Variants in PIK3R2 observed in about 807,000 individuals in gnomAD.
PIK3R2 encodes phosphoinositide-3-kinase regulatory subunit 2.
A neutral mutation model predicts 78.5 loss-of-function variants in PIK3R2; 40 were observed. That is an observed-to-expected ratio of 0.51 (90% CI 0.40 to 0.66). PIK3R2 has a LOEUF of 0.66. Among genes scored for constraint, PIK3R2 ranks in the 30% least tolerant of loss-of-function variants. PIK3R2 has a pLI of 0.00. For synonymous variants in PIK3R2, 473 were observed against 457.7 expected (o/e 1.03, Z -0.43); for missense variants, 880 against 1,026.6 (o/e 0.86, Z 1.95).
chr19:18,161,896 C>A lies in PIK3R2; in HGVS notation c.816-70C>A. On this transcript the variant is annotated intron_variant, in intron 6 of 15. Coordinates refer to ENST00000222254, the MANE Select transcript of PIK3R2 (RefSeq NM_005027.4). This position sits in a 1 kb window ranked among gnomAD's most constrained non-coding sequence, Gnocchi z 5.3. ...ATACCCCCAGGCGTGCAAGCGCACGCACAATCCTGTGCACATGCGTGGGCG... is the reference window on the plus strand; with the variant it reads ...ATACCCCCAGGCGTGCAAGCGCACGAACAATCCTGTGCACATGCGTGGGCG... 1 of 1,320,278 alleles carries A rather than the reference C, an allele frequency of 7.6e-7. No individual in the cohort carries two copies. Among genetic ancestry groups the A allele is most frequent in the South Asian group, 1.2e-5 (1 of 85,034 alleles). The allele number at this position is 1,320,278 out of a possible 1,614,324, so 81.8% of individuals were successfully genotyped here. A position where few individuals can be genotyped will look rare whatever the true frequency, so the allele number is the denominator to read the frequency against.
In PIK3R2 at chr19:18,162,287, G is replaced by A. The variant is rs1161957496; in HGVS notation, c.987G>A (p.Glu329=). The A allele has an allele frequency of 6.2e-7, 1 of 1,609,708 alleles. No individual in the cohort carries two copies. The highest frequency in any genetic ancestry group is 1.7e-5 in the Admixed American group (1 of 59,914). The stretch of plus-strand genomic sequence containing the variant: ...GCCCACCCTCCCTGCAGGATGCTGA[G>A]TGGTACTGGGGGGACATTTCAAGGT... ...GGSPPSLQDA[E]WYWGDISREE... is the part of the protein sequence containing the mutation. The change falls in exon 8 of 16, where the codon GAG becomes GAA. Residue 329 remains glutamate (E), a synonymous_variant. Transcript: ENST00000222254.
chr19:18,157,888 G>C (rs1374531985), intron 2 of PIK3R2, among the ~76,000 whole-genome samples: 1 of 152,200 alleles, frequency 6.6e-6, no homozygotes, highest in Non-Finnish European at 1.5e-5. Flanking sequence ...AGCGTCCAAT[G>C]GTGGCAGACA....
At chr19:18,153,368 C>G (rs989711391) in intron 1 of PIK3R2, 74 bp downstream of exon 1, 2 of 152,410 alleles carry the variant, frequency 1.3e-5, no homozygotes, top group African/African-American at 2.4e-5. Flanking sequence ...GGGGCAGTGC[C>G]GGGCCCCGGT....
chr19:18,161,190 G>C lies in PIK3R2; in HGVS notation c.598+5G>C. ...AGGCGCGCCGGGCCCTGCGGGGTGA[G>C]CCTGGCGGGTAGCCCGGGGGAAGGA... On this transcript the variant is annotated splice_donor_5th_base_variant and intron_variant, in intron 5 of 15. Transcript: ENST00000222254. This position sits in a 1 kb window ranked among gnomAD's most constrained non-coding sequence, Gnocchi z 5.3. The C allele has an allele frequency of 1.9e-6, 3 of 1,544,294 alleles. No individual in the cohort carries two copies. The highest frequency in any genetic ancestry group is 1.7e-6 in the Non-Finnish European group (2 of 1,144,714).
chr19:18,157,300 C>G (rs2043687257), intron 2 of PIK3R2, among the ~76,000 whole-genome samples: 1 of 152,236 alleles, frequency 6.6e-6, no homozygotes, highest in African/African-American at 2.4e-5. Flanking sequence ...CAGCCAGAAT[C>G]TGCCTCTCCC....
Position 18,169,404 on chromosome 19 carries a change from C to T in PIK3R2, c.*110C>T. 4.3e-6 allele frequency: 2 copies of T among 470,224 alleles called. No individual in the cohort carries two copies. Among genetic ancestry groups the T allele is most frequent in the Non-Finnish European group, 6.7e-6 (2 of 297,188 alleles). 29.1% of individuals were successfully genotyped at this position (470,224 alleles called of 1,614,324 possible). On this transcript the variant is annotated 3_prime_UTR_variant, in exon 16 of 16. Coordinates refer to ENST00000222254, the MANE Select transcript of PIK3R2 (RefSeq NM_005027.4). ...GCCACATCCAGGGGTCCTCATTTCT[C>T]CGGCTCTGGCTCTTGTTTGGGGTTC...
At position 18,161,521 on chromosome 19, in the gene PIK3R2, G is replaced by A. The variant is rs1313229700; in HGVS notation, c.815+26G>A. 1.4e-6 allele frequency: 1 copy of A among 700,308 alleles called. No homozygotes were observed. Among genetic ancestry groups the A allele is most frequent in the Non-Finnish European group, 2.0e-6 (1 of 509,342 alleles). 43.4% of individuals were successfully genotyped at this position (700,308 alleles called of 1,614,324 possible). On this transcript the variant is annotated intron_variant, in intron 6 of 15. Transcript: ENST00000222254. This position sits in a 1 kb window ranked among gnomAD's most constrained non-coding sequence, Gnocchi z 5.3. ...GTGAGGGGCGGGGCGGAGCCGGAGC[G>A]AGCAGGGGTGGAGTTTGGGGTGGGG... is the stretch of plus-strand genomic sequence containing the variant.
In PIK3R2 at chr19:18,155,884, C is replaced by T. The variant is rs978235304; in HGVS notation, c.5C>T (p.Ala2Val). 10 of 1,545,696 alleles carry T rather than the reference C, an allele frequency of 6.5e-6. No homozygotes were observed. The highest frequency in any genetic ancestry group is 2.8e-5 in the African/African-American group (2 of 72,268). Reference protein sequence around the residue: MAGPEGFQYRAL... With the variant: MVGPEGFQYRAL... ...CCCCACCCCACTCACGCGGCCATGG[C>T]GGGCCCTGAGGGCTTCCAGTACCGC... The change falls in exon 2 of 16, where the codon GCG (alanine) becomes GTG (valine). Residue 2 changes from alanine to valine, a missense_variant. By Grantham distance (64) the Ala-to-Val change is moderately conservative (BLOSUM62 0). Coordinates refer to ENST00000222254, the MANE Select transcript of PIK3R2 (RefSeq NM_005027.4).
chr19:18,161,019 A>G lies in PIK3R2; in HGVS notation c.467-35A>G, dbSNP rs2043736631. On this transcript the variant is annotated intron_variant, in intron 4 of 15. Transcript: ENST00000222254. This position sits in a 1 kb window ranked among gnomAD's most constrained non-coding sequence, Gnocchi z 5.3. ...GGGAGGAGGCTGGGGGCCCCAGTAC[A>G]CATGAGTTGGACGTGTGCCCCCCTG... 1.2e-6 allele frequency: 2 copies of G among 1,611,964 alleles called. No individual in the cohort carries two copies. Among genetic ancestry groups the G allele is most frequent in the Non-Finnish European group, 1.7e-6 (2 of 1,179,438 alleles).
rs1384792044 is a variant in PIK3R2 at position 18,162,399 on chromosome 19, T to C, written c.1011-9T>C. ...GGCTCGGCAGTCCCAATGTTGGATG[T>C]TCCCACAGGGAGGAGGTGAACGAGA... On this transcript the variant is annotated splice_polypyrimidine_tract_variant and intron_variant, in intron 8 of 15. Coordinates refer to ENST00000222254, the MANE Select transcript of PIK3R2 (RefSeq NM_005027.4). 4 of 1,612,584 alleles carry C rather than the reference T, an allele frequency of 2.5e-6. No homozygotes were observed.
rs1365373370 is a variant in PIK3R2 at position 18,169,260 on chromosome 19, C to A, written c.2153C>A (p.Ala718Asp). 2.0e-5 allele frequency: 31 copies of A among 1,537,372 alleles called. No individual in the cohort carries two copies. Among genetic ancestry groups the A allele is most frequent in the Non-Finnish European group, 1.2e-5 (14 of 1,149,416 alleles). Reference protein sequence around the residue: ...LTVTLAHPVRAPGPGPPPAAR With the variant: ...LTVTLAHPVRDPGPGPPPAAR Reference sequence around the variant, plus strand: ...GTCACCCTGGCGCACCCAGTGCGCGCCCCGGGCCCCGGCCCGCCGCCTGCC... The same window carrying A: ...GTCACCCTGGCGCACCCAGTGCGCGACCCGGGCCCCGGCCCGCCGCCTGCC... The change falls in exon 16 of 16, where the codon GCC (alanine) becomes GAC (aspartate). Residue 718 changes from alanine (A) to aspartate (D), a missense_variant. Ala to Asp is a moderately radical substitution (Grantham distance 126, BLOSUM62 -2). This residue lies in a region of PIK3R2 where 268 missense variants were observed against 299.1 expected (regional missense o/e 0.90). Transcript: ENST00000222254.
intron 11 of PIK3R2, among the ~76,000 whole-genome samples, chr19:18,165,880 G>A (rs2043804744): frequency 6.6e-6 from 1 of 152,082 alleles, no homozygotes; most frequent in Admixed American, 6.6e-5. Context: ...GAAGCCCTGT[G>A]AGCTGTAGCA....
At chr19:18,158,105 G>A (rs1051560066) in intron 2 of PIK3R2, among the ~76,000 whole-genome samples, 10 of 152,196 alleles carry the variant, frequency 6.6e-5, no homozygotes, top group Non-Finnish European at 1.0e-4. Context: ...TTAAGAAAAC[G>A]GGTCATGGTC....
Position 18,161,016 on chromosome 19 carries a change from T to G in PIK3R2, c.467-38T>G, listed in dbSNP as rs2147949955. The G allele has an allele frequency of 6.2e-7, 1 of 1,611,904 alleles. No homozygotes were observed. On this transcript the variant is annotated intron_variant, in intron 4 of 15. Coordinates refer to ENST00000222254, the MANE Select transcript of PIK3R2 (RefSeq NM_005027.4). This position sits in a 1 kb window ranked among gnomAD's most constrained non-coding sequence, Gnocchi z 5.3. Reference sequence around the variant, plus strand: ...GTTGGGAGGAGGCTGGGGGCCCCAGTACACATGAGTTGGACGTGTGCCCCC... The same window carrying G: ...GTTGGGAGGAGGCTGGGGGCCCCAGGACACATGAGTTGGACGTGTGCCCCC...
At position 18,160,463 on chromosome 19, in the gene PIK3R2, C is replaced by T. The variant is rs1219012269; in HGVS notation, c.323-8C>T. The stretch of plus-strand genomic sequence containing the variant: ...ACCAACATGCAACCCCCCTGTTTCC[C>T]CCACCAGGCCTCACACTCCCCGACT... On this transcript the variant is annotated splice_region_variant and splice_polypyrimidine_tract_variant and intron_variant, in intron 2 of 15. Transcript: ENST00000222254. The T allele has an allele frequency of 1.3e-6, 2 of 1,583,064 alleles. No homozygotes were observed. Among genetic ancestry groups the T allele is most frequent in the Non-Finnish European group, 1.7e-6 (2 of 1,151,934 alleles).
At chr19:18,153,683 G>A (rs1281380595) in intron 1 of PIK3R2, among the ~76,000 whole-genome samples, 1 of 152,154 alleles carries the variant, frequency 6.6e-6, no homozygotes, top group Non-Finnish European at 1.5e-5. Context: ...CCGGGTGGCC[G>A]GGTCCACGCA....
rs2043833361 is a variant in PIK3R2, at chr19:18,168,682, A to C, written c.1809-44A>C. On this transcript the variant is annotated intron_variant, in intron 14 of 15. Coordinates refer to ENST00000222254, the MANE Select transcript of PIK3R2 (RefSeq NM_005027.4). This position sits in a 1 kb window ranked among gnomAD's most constrained non-coding sequence, Gnocchi z 4.1. ...CAGCTGGGGAGCCTCGGAGGCTGGC[A>C]GGTGAGTGACCAGGGCCCTCCCCGC... is the stretch of plus-strand genomic sequence containing the variant. 6.6e-7 allele frequency: 1 copy of C among 1,511,404 alleles called. No homozygotes were observed. Among genetic ancestry groups the C allele is most frequent in the African/African-American group, 1.4e-5 (1 of 73,072 alleles). The allele number at this position is 1,511,404 out of a possible 1,614,324, so 93.6% of individuals were successfully genotyped here. A position where few individuals can be genotyped will look rare whatever the true frequency, so the allele number is the denominator to read the frequency against.
At position 18,161,473 on chromosome 19, in the gene PIK3R2, C is replaced by T. The variant is rs1346123860; in HGVS notation, c.793C>T (p.Pro265Ser). The T allele has an allele frequency of 3.4e-6, 4 of 1,192,240 alleles. No homozygotes were observed. Among genetic ancestry groups the T allele is most frequent in the South Asian group, 8.1e-5 (2 of 24,612 alleles). The allele number at this position is 1,192,240 out of a possible 1,614,324, so 73.9% of individuals were successfully genotyped here. A position where few individuals can be genotyped will look rare whatever the true frequency, so the allele number is the denominator to read the frequency against. ...CGCGCCGCCGCCGCCGTCCTCGCCG[C>T]CGCCAGGGGGCGCTCCCGACGGGTG... The part of the protein sequence containing the change: ...LRAPPPPSSP[P>S]PGGAPDGSEP... Residue 265 changes from proline (P) to serine (S), a missense_variant, in exon 6 of 16, where the codon CCG becomes TCG. Pro to Ser is a moderately conservative substitution (Grantham distance 74). Around this residue, in one of 3 missense-constraint regions of PIK3R2, gnomAD observed 456 missense variants for 486.6 expected, o/e 0.94. Coordinates refer to ENST00000222254, the MANE Select transcript of PIK3R2 (RefSeq NM_005027.4). The surrounding 1 kb of genome is among the most constrained non-coding windows in gnomAD (Gnocchi z 5.3).
chr19:18,155,785 C>A lies in PIK3R2; in HGVS notation c.-95C>A. 8.3e-7 allele frequency: 1 copy of A among 1,201,530 alleles called. No individual in the cohort carries two copies. Among genetic ancestry groups the A allele is most frequent in the Non-Finnish European group, 1.1e-6 (1 of 884,818 alleles). 74.4% of individuals were successfully genotyped at this position (1,201,530 alleles called of 1,614,324 possible). A position where few individuals can be genotyped will look rare whatever the true frequency, so the allele number is the denominator to read the frequency against. ...TAGAGGTCCCAGCACCCCAAGCCAACCCAGCGGACCCTCCCAGCCCTGCTT... is the reference window on the plus strand; with the variant it reads ...TAGAGGTCCCAGCACCCCAAGCCAAACCAGCGGACCCTCCCAGCCCTGCTT... On this transcript the variant is annotated 5_prime_UTR_variant, in exon 2 of 16. Coordinates refer to ENST00000222254, the MANE Select transcript of PIK3R2 (RefSeq NM_005027.4).
Sources: allele counts gnomAD v4.1 joint callset (sites outside exome capture counted in the v4.1 genomes callset), GRCh38; gene constraint gnomAD v4.1.1; regional missense constraint gnomAD v4.1.1; non-coding constraint Gnocchi (gnomAD v3.1); transcripts MANE v1.5; gene names NCBI Gene and HGNC (gene_info 2026-07-23, HGNC 2026-07-21).